GLB1L3: variants seen among roughly 807,000 people sequenced by gnomAD.
GLB1L3 encodes the protein galactosidase beta 1 like 3.
Under a neutral mutation model 89.5 loss-of-function variants are expected in GLB1L3, and 89 were observed. The observed-to-expected ratio is 0.99, with a 90% CI of 0.84 to 1.19. GLB1L3 has a LOEUF of 1.19. Among genes scored for constraint, GLB1L3 ranks in the 50% most tolerant of loss-of-function variants. GLB1L3 has a pLI of 0.00. For missense variants in GLB1L3, 812 were observed against 813.3 expected, an observed-to-expected ratio of 1.00 and a Z score of 0.02; for synonymous variants, 314 against 312.3, an observed-to-expected ratio of 1.01 and a Z score of -0.06.
intron 7 of GLB1L3, 141 bp from the exon 8 acceptor site, chr11:134,291,985 TTTAAAA>T (rs1941386791): frequency 6.4e-6 from 4 of 620,398 alleles, no homozygotes; most frequent in Non-Finnish European, 1.1e-5. Context: ...CTAAAAAAAA[TTTAAAA>T]TTAAAAAAGT....
intron 2 of GLB1L3, 91 bp downstream of exon 2, chr11:134,277,542 C>A: frequency 6.5e-7 from 1 of 1,548,486 alleles, no homozygotes. Flanking sequence ...CAGAACACGT[C>A]CTACTAACAT....
chr11:134,276,437 C>A lies in GLB1L3; in HGVS notation c.-304C>A. 3.1e-6 allele frequency: 1 copy of A among 325,334 alleles called. No individual in the cohort carries two copies. The highest frequency in any genetic ancestry group is 5.6e-6 in the Non-Finnish European group (1 of 179,602). The allele number at this position is 325,334 out of a possible 1,614,324, so 20.2% of individuals were successfully genotyped here. Reference sequence around the variant, plus strand: ...GGAAGCCCGAGGTCGGGGCGTTACCCCAAGGGCCCTCCCGCTTCCCCTCCG... The same window carrying A: ...GGAAGCCCGAGGTCGGGGCGTTACCACAAGGGCCCTCCCGCTTCCCCTCCG... On this transcript the variant is annotated 5_prime_UTR_variant, in exon 1 of 20. Transcript: ENST00000431683.
At position 134,319,165 on chromosome 11, in the gene GLB1L3, A is replaced by G; in HGVS notation, c.*223A>G. 6.1e-6 allele frequency: 3 copies of G among 488,542 alleles called. No homozygotes were observed. The highest frequency in any genetic ancestry group is 2.3e-5 in the South Asian group (1 of 42,712). The allele number at this position is 488,542 out of a possible 1,614,324, so 30.3% of individuals were successfully genotyped here. Reference sequence around the variant, plus strand: ...GAGATGGGGTTTCACCAAGTTAGCCAGGATGGTCCCAATCTCCTGACCTTG... The same window carrying G: ...GAGATGGGGTTTCACCAAGTTAGCCGGGATGGTCCCAATCTCCTGACCTTG... On this transcript the variant is annotated 3_prime_UTR_variant, in exon 20 of 20. Transcript: ENST00000431683.
intron 15 of GLB1L3, among the ~76,000 whole-genome samples, 170 bp downstream of exon 15, chr11:134,313,057 C>T (rs562181545): frequency 2.0e-5 from 3 of 152,286 alleles, no homozygotes; most frequent in East Asian, 3.9e-4. Context: ...CTCCCAGGCC[C>T]TGGCCCCTCA....
chr11:134,285,332 AAG>A (rs1940921139), intron 6 of GLB1L3, among the ~76,000 whole-genome samples: 1 of 152,214 alleles, frequency 6.6e-6, no homozygotes, highest in South Asian at 2.1e-4. Flanking sequence ...GTGACAAAAA[AAG>A]AACATTGTAC....
Position 134,292,965 on chromosome 11 carries a change from A to C in GLB1L3, c.812-180A>C, listed in dbSNP as rs747559741. 1.1e-4 allele frequency: 73 copies of C among 645,100 alleles called. 1 individual carries two copies. Among genetic ancestry groups the C allele is most frequent in the Non-Finnish European group, 2.0e-4 (70 of 358,578 alleles). The allele number at this position is 645,100 out of a possible 1,614,324, so 40.0% of individuals were successfully genotyped here. A position where few individuals can be genotyped will look rare whatever the true frequency, so the allele number is the denominator to read the frequency against. Reference sequence around the variant, plus strand: ...GTGGGTGTCCTCGCAAGTGTCAGGGATGTGGCGATGGCCGTGGCAGCCCTT... The same window carrying C: ...GTGGGTGTCCTCGCAAGTGTCAGGGCTGTGGCGATGGCCGTGGCAGCCCTT... On this transcript the variant is annotated intron_variant, in intron 8 of 19. Coordinates refer to ENST00000431683, the MANE Select transcript of GLB1L3 (RefSeq NM_001080407.3).
downstream of GLB1L3, chr11:134,319,572 C>G (rs1027629265): frequency 2.0e-5 from 3 of 152,000 alleles, no homozygotes; most frequent in African/African-American, 7.3e-5. Context: ...TCATTTCTGC[C>G]TCCCATACTC....
intron 1 of GLB1L3, among the ~76,000 whole-genome samples, chr11:134,277,005 C>A (rs1303210752): frequency 1.3e-5 from 2 of 152,232 alleles, no homozygotes; most frequent in Non-Finnish European, 2.9e-5. Flanking sequence ...GGGGCTCCAG[C>A]GGCTGGGCAC....
chr11:134,290,000 G>A (rs915434739), intron 7 of GLB1L3, among the ~76,000 whole-genome samples: 2 of 152,244 alleles, frequency 1.3e-5, no homozygotes, highest in Non-Finnish European at 2.9e-5. Flanking sequence ...GGGGCGGGAA[G>A]GAGAGGGGTC....
intron 18 of GLB1L3, among the ~76,000 whole-genome samples, chr11:134,317,331 A>G (rs1014562786): frequency 2.0e-5 from 3 of 152,206 alleles, no homozygotes; most frequent in African/African-American, 7.2e-5. Context: ...ATTCCACGCT[A>G]GCCTGCAAGG....
At chr11:134,308,380 TCACCACC>T (rs1942421724) in intron 10 of GLB1L3, among the ~76,000 whole-genome samples, 2 of 17,510 alleles carry the variant, frequency 1.1e-4, no homozygotes, top group African/African-American at 2.9e-4. Flanking sequence ...ACCACCACCA[TCACCACC>T]ATCACCACCA....
At chr11:134,315,793 TTTA>T (rs1942952382) in intron 18 of GLB1L3, among the ~76,000 whole-genome samples, 1 of 152,198 alleles carries the variant, frequency 6.6e-6, no homozygotes, top group African/African-American at 2.4e-5. Flanking sequence ...TGTCATTATC[TTTA>T]TTATTTTGTT....
chr11:134,319,213 C>G lies in GLB1L3; in HGVS notation c.*271C>G, dbSNP rs918132027. The G allele has an allele frequency of 2.8e-6, 1 of 362,774 alleles. No homozygotes were observed. Among genetic ancestry groups the G allele is most frequent in the Non-Finnish European group, 5.0e-6 (1 of 198,446 alleles). 22.5% of individuals were successfully genotyped at this position (362,774 alleles called of 1,614,324 possible). On this transcript the variant is annotated 3_prime_UTR_variant, in exon 20 of 20. Coordinates refer to ENST00000431683, the MANE Select transcript of GLB1L3 (RefSeq NM_001080407.3). ...TTGTGATCTGCTCTCCTCAGCCTCC[C>G]AAAGTACTGGGATTACAGGCGTGAG...
rs76616948 is a variant in GLB1L3 at position 134,288,348 on chromosome 11, G to T, written c.637-450G>T. ...CTGAGTAAGTTTCCATGATCATGGA[G>T]GTCAGCTTGTTGCAAAGGAAGGTCA... is the stretch of plus-strand genomic sequence containing the variant. On this transcript the variant is annotated intron_variant, in intron 6 of 19. Coordinates refer to ENST00000431683, the MANE Select transcript of GLB1L3 (RefSeq NM_001080407.3). 8.5e-3 allele frequency among the ~76,000 whole-genome samples: 1,291 copies of T among 152,298 alleles called. 23 individuals carry two copies. Among genetic ancestry groups the T allele is most frequent in the African/African-American group, 0.029 (1,219 of 41,572 alleles).
In GLB1L3 at chr11:134,318,673, G is replaced by A; in HGVS notation, c.1822G>A (p.Gly608Arg). 2 of 1,612,758 alleles carry A rather than the reference G, an allele frequency of 1.2e-6. No homozygotes were observed. Among genetic ancestry groups the A allele is most frequent in the South Asian group, 1.1e-5 (1 of 90,788 alleles). ...GFVFINGRNL[G>R]RYWNIGPQKT... ...TGTGTTCATCAATGGACGTAACCTT[G>A]GGCGATATTGGAATATTGGGCCTCA... Residue 608 changes from glycine to arginine, a missense_variant, in exon 19 of 20, where the codon GGG (glycine) becomes AGG (arginine). By Grantham distance (125) the Gly-to-Arg change is moderately radical. Coordinates refer to ENST00000431683, the MANE Select transcript of GLB1L3 (RefSeq NM_001080407.3).
intron 1 of GLB1L3, 105 bp downstream of exon 1, chr11:134,276,868 C>G (rs1406674805): frequency 9.5e-7 from 1 of 1,054,490 alleles, no homozygotes; most frequent in Non-Finnish European, 1.2e-6. Context: ...CCCAGGCACG[C>G]GCCGCGCCGG....
rs1942669326 is a variant in GLB1L3, at chr11:134,310,446, G to A, written c.1100-125G>A. On this transcript the variant is annotated intron_variant, in intron 11 of 19. Transcript: ENST00000431683. Reference sequence around the variant, plus strand: ...CCTTAGACTGGCATCACACACCCACGTGGGATGGAAGGTGTCTTCCTTTTG... The same window carrying A: ...CCTTAGACTGGCATCACACACCCACATGGGATGGAAGGTGTCTTCCTTTTG... 12 of 675,476 alleles carry A rather than the reference G, an allele frequency of 1.8e-5. 1 individual carries two copies. The highest frequency in any genetic ancestry group is 3.4e-4 in the Middle Eastern group (1 of 2,934). The allele number at this position is 675,476 out of a possible 1,614,324, so 41.8% of individuals were successfully genotyped here.
chr11:134,319,741 TGTGTGTGC>T (rs1400795278), downstream of GLB1L3, among the ~76,000 whole-genome samples: 49 of 139,390 alleles, frequency 3.5e-4, no homozygotes, highest in Non-Finnish European at 5.4e-4. Flanking sequence ...TGTGTGTGTG[TGTGTGTGC>T]GCGCGCGCGT....
At chr11:134,314,267 G>A in intron 17 of GLB1L3, 63 bp from the exon 18 acceptor site, 1 of 1,136,744 alleles carries the variant, frequency 8.8e-7, no homozygotes, top group Non-Finnish European at 1.3e-6. Flanking sequence ...CACCTGGGGT[G>A]GGTACTGGGA....
Sources: gnomAD v4.1 joint callset for allele counts (sites outside exome capture counted in the v4.1 genomes callset) on GRCh38, gnomAD v4.1.1 for gene constraint, MANE v1.5 for transcripts, NCBI Gene and HGNC (gene_info 2026-07-23, HGNC 2026-07-21) for gene names.